The following NR2F1-AS1 variants were observed in gnomAD, a reference collection of about 807,000 sequenced individuals.
NR2F1-AS1 encodes NR2F1 regulatory antisense RNA 1, also known as NR2F1 antisense RNA 1.
At chr5:93,506,992 C>T (rs1751198375) in intron 4 of NR2F1-AS1, among the ~76,000 whole-genome samples, 1 of 152,160 alleles carries the variant, frequency 6.6e-6, no homozygotes, top group South Asian at 2.1e-4. Context: ...CACATATCTA[C>T]TTAACTGTGT....
chr5:93,482,530 G>A (rs1342144455), intron 4 of NR2F1-AS1, among the ~76,000 whole-genome samples: 1 of 152,056 alleles, frequency 6.6e-6, no homozygotes, highest in Non-Finnish European at 1.5e-5. Flanking sequence ...CGGCCATTTG[G>A]GCAGACACCG....
intron 4 of NR2F1-AS1, among the ~76,000 whole-genome samples, chr5:93,526,230 A>G (rs1441033942): frequency 2.0e-5 from 3 of 152,168 alleles, no homozygotes; most frequent in South Asian, 4.1e-4. Context: ...AAATACCTCT[A>G]TGCAAGTAAC....
intron 4 of NR2F1-AS1, among the ~76,000 whole-genome samples, chr5:93,505,340 G>A (rs1280130989): frequency 2.0e-5 from 3 of 152,234 alleles, no homozygotes; most frequent in African/African-American, 7.2e-5. Context: ...GCTTTTCCAG[G>A]TGCATGGTGA....
At chr5:93,557,943 A>C (rs1752398591) in intron 2 of NR2F1-AS1, among the ~76,000 whole-genome samples, 1 of 152,210 alleles carries the variant, frequency 6.6e-6, no homozygotes, top group Non-Finnish European at 1.5e-5. Context: ...ACCAGGGTAC[A>C]TTCCATCTCA....
At chr5:93,527,046 G>A (rs982040603) in intron 4 of NR2F1-AS1, among the ~76,000 whole-genome samples, 4 of 152,162 alleles carry the variant, frequency 2.6e-5, no homozygotes, top group African/African-American at 9.7e-5. Flanking sequence ...AGGAAGAGAG[G>A]AAGTCAAATT....
chr5:93,555,326 C>G (rs952221614), intron 2 of NR2F1-AS1, among the ~76,000 whole-genome samples: 1 of 152,064 alleles, frequency 6.6e-6, no homozygotes, highest in Admixed American at 6.6e-5. Flanking sequence ...GAAGGAAAAA[C>G]TGGCTTTAAA....
chr5:93,428,387 A>G (rs926901446), intron 4 of NR2F1-AS1, among the ~76,000 whole-genome samples: 1 of 152,238 alleles, frequency 6.6e-6, no homozygotes, highest in Non-Finnish European at 1.5e-5. Context: ...TCCATAAATA[A>G]TGTTCACAGC....
chr5:93,567,213 A>G (rs1752638837), intron 1 of NR2F1-AS1, among the ~76,000 whole-genome samples: 1 of 152,154 alleles, frequency 6.6e-6, no homozygotes, highest in African/African-American at 2.4e-5. Context: ...TTTGTCAATC[A>G]CATAGACAAC....
At chr5:93,548,427 G>A (rs1182994660) in intron 4 of NR2F1-AS1, among the ~76,000 whole-genome samples, 1 of 152,142 alleles carries the variant, frequency 6.6e-6, no homozygotes, top group East Asian at 1.9e-4. Flanking sequence ...AATGCCTCTA[G>A]ATTCCAAATG....
intron 4 of NR2F1-AS1, among the ~76,000 whole-genome samples, chr5:93,466,503 A>AT (rs1205695353): frequency 6.6e-6 from 1 of 151,438 alleles, no homozygotes; most frequent in Non-Finnish European, 1.5e-5. Context: ...CGCCTGGCTA[A>AT]TTTTTTATAT....
At chr5:93,413,453 G>C (rs982500708) in intron 4 of NR2F1-AS1, among the ~76,000 whole-genome samples, 5 of 151,972 alleles carry the variant, frequency 3.3e-5, no homozygotes, top group East Asian at 3.9e-4. Flanking sequence ...ATCTCTTCAG[G>C]GTTCATCTCT....
intron 1 of NR2F1-AS1, among the ~76,000 whole-genome samples, chr5:93,568,965 C>A (rs964228066): frequency 5.3e-5 from 8 of 152,132 alleles, no homozygotes; most frequent in Admixed American, 3.9e-4. Flanking sequence ...CAAACATTTT[C>A]TTTGATTAAA....
At chr5:93,528,548 G>A (rs189230223) in intron 4 of NR2F1-AS1, among the ~76,000 whole-genome samples, 2 of 152,232 alleles carry the variant, frequency 1.3e-5, no homozygotes, top group East Asian at 3.9e-4. Context: ...CCCATTACTG[G>A]GGATATACCC....
At chr5:93,464,341 T>C (rs1561451349) in intron 4 of NR2F1-AS1, among the ~76,000 whole-genome samples, 1 of 152,204 alleles carries the variant, frequency 6.6e-6, no homozygotes, top group East Asian at 1.9e-4. Flanking sequence ...CTTTTCTAAA[T>C]TGCCCAGTCT....
intron 4 of NR2F1-AS1, among the ~76,000 whole-genome samples, chr5:93,498,523 C>G (rs1189183160): frequency 6.6e-6 from 1 of 152,110 alleles, no homozygotes; most frequent in Non-Finnish European, 1.5e-5. Context: ...GACTTATACA[C>G]TTCCAAGCTA....
intron 4 of NR2F1-AS1, among the ~76,000 whole-genome samples, chr5:93,440,658 C>CA (rs1272929528): frequency 6.6e-6 from 1 of 152,108 alleles, no homozygotes; most frequent in Non-Finnish European, 1.5e-5. Context: ...CTCACTCACT[C>CA]ACTCACTCTG....
At chr5:93,534,745 G>A (rs532128724) in intron 4 of NR2F1-AS1, among the ~76,000 whole-genome samples, 2 of 152,110 alleles carry the variant, frequency 1.3e-5, no homozygotes, top group Non-Finnish European at 2.9e-5. Context: ...AGTAAATTAC[G>A]ATCCAGCCGG....
intron 4 of NR2F1-AS1, among the ~76,000 whole-genome samples, chr5:93,510,664 T>G (rs1473852516): frequency 2.0e-5 from 3 of 152,200 alleles, no homozygotes; most frequent in African/African-American, 7.2e-5. Flanking sequence ...ATAAGTTGCA[T>G]CTTTGCTCAC....
chr5:93,467,654 A>AT (rs1486282840), intron 4 of NR2F1-AS1, among the ~76,000 whole-genome samples: 1 of 152,236 alleles, frequency 6.6e-6, no homozygotes, highest in Non-Finnish European at 1.5e-5. Context: ...TTAGATAACA[A>AT]TTTAAGGATC....
Sources: allele counts gnomAD v4.1 joint callset (sites outside exome capture counted in the v4.1 genomes callset), GRCh38; gene constraint gnomAD v4.1.1; transcripts MANE v1.5; gene names NCBI Gene and HGNC (gene_info 2026-07-23, HGNC 2026-07-21).